The following GRB10 variants were observed in gnomAD, a reference collection of about 807,000 sequenced individuals.
GRB10 encodes growth factor receptor bound protein 10, also known as growth factor receptor-bound protein 10.
A neutral mutation model predicts 80.9 loss-of-function variants in GRB10; 20 were observed. The ratio of observed to expected loss-of-function variants is 0.25; its 90% CI spans 0.17 to 0.36. GRB10 has a LOEUF of 0.36. Ranked by LOEUF, GRB10 falls within the 10% of genes least tolerant of loss-of-function variation. The probability of loss-of-function intolerance (pLI) is 1.00; values close to 1 mark genes in which losing one functional copy is unlikely to be tolerated. For synonymous variants in GRB10, 291 were observed against 291.5 expected (o/e 1.00, Z 0.02); for missense variants, 548 against 747.7 (o/e 0.73, Z 3.12).
chr7:50,611,852 T>C (rs1056939709), intron 13 of GRB10, among the ~76,000 whole-genome samples: 28 of 152,342 alleles, frequency 1.8e-4, no homozygotes, highest in African/African-American at 5.1e-4. Flanking sequence ...ATTGTATCCA[T>C]TGGCTCCAGT....
At chr7:50,642,769 G>A (rs1042556296) in intron 7 of GRB10, among the ~76,000 whole-genome samples, 8 of 152,020 alleles carry the variant, frequency 5.3e-5, no homozygotes, top group East Asian at 1.9e-4. Flanking sequence ...ACACACACAC[G>A]CATAGACACA....
Position 50,694,611 on chromosome 7 carries a change from G to T in GRB10, c.139+9210C>A, listed in dbSNP as rs536389612. Among the ~76,000 whole-genome samples, 17 of 152,208 alleles carry T rather than the reference G, an allele frequency of 1.1e-4. No individual in the cohort carries two copies. In the South Asian group the frequency reaches 3.5e-3, roughly 32 times the overall value. ...ACAGGATGAAGAATCTGTGGTGTGT[G>T]CAGCCACTCATCCCTCACCTACCCA... On this transcript the variant is annotated intron_variant, in intron 5 of 18. Coordinates refer to ENST00000401949, the MANE Select transcript of GRB10 (RefSeq NM_001350814.2).
intron 7 of GRB10, among the ~76,000 whole-genome samples, chr7:50,650,929 C>T (rs2057932795): frequency 6.6e-6 from 1 of 152,160 alleles, no homozygotes. Flanking sequence ...TAGGATATTG[C>T]AAATGTAAAT....
At position 50,690,777 on chromosome 7, in the gene GRB10, A is replaced by G. The variant is rs578082697; in HGVS notation, c.139+13044T>C. ...AAGAGTTGCTGGGATAAAGCCCTCT[A>G]TTGAGCTGCAAGCATCCTGACAGCT... is the stretch of plus-strand genomic sequence containing the variant. On this transcript the variant is annotated intron_variant, in intron 5 of 18. Transcript: ENST00000401949. Among the ~76,000 whole-genome samples the G allele has an allele frequency of 2.6e-5, 4 of 152,378 alleles. No homozygotes were observed. The South Asian group carries it at 8.3e-4, about 32-fold the overall frequency.
chr7:50,742,147 A>T (rs1349433768), intron 3 of GRB10, among the ~76,000 whole-genome samples: 2 of 152,222 alleles, frequency 1.3e-5, no homozygotes, highest in Admixed American at 1.3e-4. Context: ...TGGAAGAACC[A>T]ATCAATGACC....
At chr7:50,789,845 C>T (rs1045948340) in intron 1 of GRB10, among the ~76,000 whole-genome samples, 3 of 152,028 alleles carry the variant, frequency 2.0e-5, no homozygotes, top group Admixed American at 6.6e-5. Context: ...TTTTGATAAC[C>T]CCAGGAAATG....
At position 50,791,914 on chromosome 7, in the gene GRB10, G is replaced by C. The variant is rs140581265; in HGVS notation, c.-294+1310C>G. Among the ~76,000 whole-genome samples, 1,172 of 152,290 alleles carry C rather than the reference G, an allele frequency of 7.7e-3. 9 individuals carry two copies. Among genetic ancestry groups the C allele is most frequent in the South Asian group, 8.1e-3 (39 of 4,814 alleles). Reference sequence around the variant, plus strand: ...AGACACTTCACCGCTGTCACAGCCAGAAGTCCCACTGCTGTAGAAACTCTT... The same window carrying C: ...AGACACTTCACCGCTGTCACAGCCACAAGTCCCACTGCTGTAGAAACTCTT... On this transcript the variant is annotated intron_variant, in intron 1 of 16. Transcript: ENST00000335866.
rs1334797353 is a variant in GRB10, at chr7:50,591,753, T to G, written c.*1199A>C. On this transcript the variant is annotated 3_prime_UTR_variant, in exon 19 of 19. Transcript: ENST00000401949. ...AGCCAGCAGAGGAGGAGCCTCTAGC[T>G]GCTCTGTGTTCACTGGCTTATGGGG... The G allele has an allele frequency of 1.3e-5, 2 of 152,254 alleles. No homozygotes were observed. The highest frequency in any genetic ancestry group is 2.9e-5 in the Non-Finnish European group (2 of 68,056). 9.4% of individuals were successfully genotyped at this position (152,254 alleles called of 1,614,324 possible). A position where few individuals can be genotyped will look rare whatever the true frequency, so the allele number is the denominator to read the frequency against.
intron 5 of GRB10, among the ~76,000 whole-genome samples, chr7:50,678,352 T>C (rs1424218156): frequency 2.0e-5 from 3 of 152,250 alleles, no homozygotes; most frequent in Non-Finnish European, 4.4e-5. Context: ...GCCAGGTCAA[T>C]CTGGTAACTC....
At chr7:50,637,657 T>G (rs1224876532) in intron 7 of GRB10, among the ~76,000 whole-genome samples, 1 of 151,762 alleles carries the variant, frequency 6.6e-6, no homozygotes, top group Non-Finnish European at 1.5e-5. Flanking sequence ...ATAATTTCTA[T>G]CAAATTTCCA....
chr7:50,667,187 G>A (rs928959834), intron 7 of GRB10, among the ~76,000 whole-genome samples: 6 of 151,852 alleles, frequency 4.0e-5, no homozygotes, highest in Admixed American at 2.0e-4. Context: ...TTTTCCTCCC[G>A]TTGCCTTCTT....
upstream of GRB10, among the ~76,000 whole-genome samples, chr7:50,786,156 A>G (rs890389627): frequency 2.0e-5 from 3 of 152,282 alleles, no homozygotes; most frequent in East Asian, 5.8e-4. Context: ...AATCCAACAG[A>G]AAAGTTAAAA....
At chr7:50,729,009 G>A (rs897715530) in intron 4 of GRB10, among the ~76,000 whole-genome samples, 2 of 152,058 alleles carry the variant, frequency 1.3e-5, no homozygotes, top group African/African-American at 4.8e-5. Flanking sequence ...ATTGCAGTTC[G>A]TCAAGCCCTG....
intron 3 of GRB10, among the ~76,000 whole-genome samples, chr7:50,732,868 T>C (rs1238290588): frequency 6.6e-6 from 1 of 152,160 alleles, no homozygotes; most frequent in African/African-American, 2.4e-5. Flanking sequence ...TCAGTGGACA[T>C]CCAACCTGAC....
chr7:50,749,062 G>C (rs557980873), intron 3 of GRB10, among the ~76,000 whole-genome samples: 1 of 152,092 alleles, frequency 6.6e-6, no homozygotes, highest in Non-Finnish European at 1.5e-5. Context: ...AAATGGTCTA[G>C]ATGTTTACAA....
rs1209216964 is a variant in GRB10, at chr7:50,669,811, G to T, written c.415C>A (p.Pro139Thr). ...QFRTSSLPAIPNPFPELCGPG... is the reference protein window; with the variant it reads ...QFRTSSLPAITNPFPELCGPG... ...CCACAGAGTTCAGGAAAAGGATTGG[G>T]GATGGCCGGCAGAGATGAGGTTCTA... Residue 139 changes from proline to threonine, a missense_variant, in exon 7 of 19, where the codon CCC becomes ACC. Around this residue, in one of 4 missense-constraint regions of GRB10, gnomAD observed 245 missense variants for 229.3 expected, o/e 1.07. Transcript: ENST00000401949. 1 of 1,614,006 alleles carries T rather than the reference G, an allele frequency of 6.2e-7. No individual in the cohort carries two copies. The highest frequency in any genetic ancestry group is 8.5e-7 in the Non-Finnish European group (1 of 1,179,976).
At position 50,710,955 on chromosome 7, in the gene GRB10, G is replaced by A. The variant is rs543896909; in HGVS notation, c.52-7047C>T. The A allele has an allele frequency of 7.5e-5, 116 of 1,537,478 alleles. No homozygotes were observed. The African/African-American group carries it at 1.5e-3, about 20-fold the overall frequency. Reference sequence around the variant, plus strand: ...TCTACAGTGGGTATCACGTGGCTGTGTCCTCAGCCTGCCCTGTGCACAATA... The same window carrying A: ...TCTACAGTGGGTATCACGTGGCTGTATCCTCAGCCTGCCCTGTGCACAATA... On this transcript the variant is annotated intron_variant, in intron 4 of 18. Transcript: ENST00000401949.
intron 3 of GRB10, among the ~76,000 whole-genome samples, chr7:50,741,263 T>C (rs527668875): frequency 1.2e-4 from 18 of 152,206 alleles, no homozygotes; most frequent in Admixed American, 5.2e-4. Flanking sequence ...TTGATATTTA[T>C]GAAAAACAGG....
In GRB10 at chr7:50,777,598, A is replaced by G. The variant is rs1436267762; in HGVS notation, c.-217+3029T>C. 2.0e-5 allele frequency among the ~76,000 whole-genome samples: 3 copies of G among 152,164 alleles called. No individual in the cohort carries two copies. The East Asian group carries it at 5.8e-4, about 29-fold the overall frequency. ...GAGGACTGTATGAAAAAACTAGCCC[A>G]TAAAGATACATGCACACCTATGTTT... On this transcript the variant is annotated intron_variant, in intron 2 of 18. Coordinates refer to ENST00000401949, the MANE Select transcript of GRB10 (RefSeq NM_001350814.2).
Sources: gnomAD v4.1 joint callset for allele counts (sites outside exome capture counted in the v4.1 genomes callset) on GRCh38, gnomAD v4.1.1 for gene constraint, gnomAD v4.1.1 regional missense constraint, MANE v1.5 for transcripts, NCBI Gene and HGNC (gene_info 2026-07-23, HGNC 2026-07-21) for gene names.